Variants in CTTNBP2 observed in about 807,000 individuals in gnomAD.
CTTNBP2 encodes cortactin binding protein 2, also known as cortactin-binding protein 2.
A neutral mutation model predicts 156.9 loss-of-function variants in CTTNBP2; 108 were observed. That is an observed-to-expected ratio of 0.69 (90% CI 0.59 to 0.81). The LOEUF (loss-of-function observed/expected upper bound fraction) is 0.81, where lower values mean the gene tolerates loss of function less well. Ranked by LOEUF, CTTNBP2 falls within the 30% of genes least tolerant of loss-of-function variation. CTTNBP2 has a pLI of 0.00. For missense variants in CTTNBP2, 1,924 were observed against 2,035.4 expected (o/e 0.95, Z 1.05); for synonymous variants, 767 against 751.8 (o/e 1.02, Z -0.33).
chr7:117,844,044 G>GA (rs1802430536), intron 2 of CTTNBP2, among the ~76,000 whole-genome samples: 1 of 136,106 alleles, frequency 7.3e-6, no homozygotes, highest in Admixed American at 7.5e-5. Context: ...AACAGAAGCA[G>GA]AAACGAAGAG....
chr7:117,743,761 C>CAA (rs556372208), intron 14 of CTTNBP2, among the ~76,000 whole-genome samples: 322 of 19,638 alleles, frequency 0.016, 58 homozygotes, highest in African/African-American at 0.036. Context: ...GACTCTGTCT[C>CAA]AAAAAAAAAA....
At chr7:117,819,573 G>A (rs1414025691) in intron 2 of CTTNBP2, among the ~76,000 whole-genome samples, 5 of 152,022 alleles carry the variant, frequency 3.3e-5, no homozygotes, top group Non-Finnish European at 5.9e-5. Flanking sequence ...ACTTAAATGA[G>A]AAAAGAACGG....
At chr7:117,731,231 T>C (rs933752116) in intron 16 of CTTNBP2, among the ~76,000 whole-genome samples, 4 of 152,230 alleles carry the variant, frequency 2.6e-5, no homozygotes, top group Admixed American at 2.6e-4. Flanking sequence ...GTAATTAAGC[T>C]ATGAGTCCCT....
intron 3 of CTTNBP2, among the ~76,000 whole-genome samples, chr7:117,809,978 G>T (rs916436550): frequency 6.6e-6 from 1 of 152,192 alleles, no homozygotes; most frequent in African/African-American, 2.4e-5. Flanking sequence ...AAAAGGCATC[G>T]ATAGTCTTGG....
At chr7:117,829,607 G>A (rs568570107) in intron 2 of CTTNBP2, among the ~76,000 whole-genome samples, 7 of 152,266 alleles carry the variant, frequency 4.6e-5, no homozygotes, top group East Asian at 1.9e-4. Context: ...ATATGCTCAC[G>A]CCCTATTCCT....
intron 2 of CTTNBP2, among the ~76,000 whole-genome samples, chr7:117,820,548 G>C (rs1247213409): frequency 6.6e-6 from 1 of 152,150 alleles, no homozygotes; most frequent in Non-Finnish European, 1.5e-5. Context: ...GGCAATATTT[G>C]TGTATGGTGT....
At chr7:117,717,825 A>G (rs1042506704) in intron 22 of CTTNBP2, among the ~76,000 whole-genome samples, 193 bp downstream of exon 22, 1 of 152,002 alleles carries the variant, frequency 6.6e-6, no homozygotes, top group African/African-American at 2.4e-5. Flanking sequence ...ATGCTTTCCT[A>G]TGTCATTTTT....
At chr7:117,765,913 C>A (rs1038008251) in intron 9 of CTTNBP2, among the ~76,000 whole-genome samples, 1 of 152,152 alleles carries the variant, frequency 6.6e-6, no homozygotes, top group Non-Finnish European at 1.5e-5. Context: ...CCCAAAACAT[C>A]AATTGCGCTG....
At chr7:117,801,047 A>C (rs952152437) in intron 3 of CTTNBP2, among the ~76,000 whole-genome samples, 2 of 152,134 alleles carry the variant, frequency 1.3e-5, no homozygotes, top group Admixed American at 1.3e-4. Flanking sequence ...TAGTGATGGT[A>C]AGTTTTGAAC....
chr7:117,738,965 C>T lies in CTTNBP2; in HGVS notation c.3536-3544G>A, dbSNP rs138761685. Among the ~76,000 whole-genome samples, 208 of 152,274 alleles carry T rather than the reference C, an allele frequency of 1.4e-3. 1 individual carries two copies. The highest frequency in any genetic ancestry group is 2.7e-3 in the Non-Finnish European group (184 of 68,020). ...ACAAAAAGGGGGAAGGGCTGCTATA[C>T]ATAACCATTGGGTTATCTTTCCACT... On this transcript the variant is annotated intron_variant, in intron 14 of 22. Coordinates refer to ENST00000160373, the MANE Select transcript of CTTNBP2 (RefSeq NM_033427.3).
intron 2 of CTTNBP2, among the ~76,000 whole-genome samples, chr7:117,858,747 T>A (rs372540396): frequency 1.0e-3 from 154 of 152,332 alleles, no homozygotes; most frequent in African/African-American, 3.5e-3. Flanking sequence ...ATGACCAGTC[T>A]AGAGGGTAAC....
At chr7:117,779,596 G>A (rs1798291390) in intron 7 of CTTNBP2, among the ~76,000 whole-genome samples, 1 of 151,636 alleles carries the variant, frequency 6.6e-6, no homozygotes, top group Non-Finnish European at 1.5e-5. Context: ...GATTTCTCAA[G>A]TAATATATAT....
At chr7:117,848,669 G>C (rs180863216) in intron 2 of CTTNBP2, among the ~76,000 whole-genome samples, 1 of 152,292 alleles carries the variant, frequency 6.6e-6, no homozygotes, top group Non-Finnish European at 1.5e-5. Flanking sequence ...AGGAAACTTA[G>C]GACTCTAATC....
Position 117,820,249 on chromosome 7 carries a change from G to A in CTTNBP2, c.190-9260C>T, listed in dbSNP as rs566924553. 7.9e-5 allele frequency among the ~76,000 whole-genome samples: 12 copies of A among 152,230 alleles called. No individual in the cohort carries two copies. The East Asian group carries it at 2.3e-3, about 29-fold the overall frequency. ...CACATAAAGCTGAATCCAGAACAAC[G>A]TCCAACTGTCTTATTAAGACTCCAG... On this transcript the variant is annotated intron_variant, in intron 2 of 22. Transcript: ENST00000160373.
chr7:117,867,789 G>A (rs980672020), intron 1 of CTTNBP2, among the ~76,000 whole-genome samples: 2 of 152,164 alleles, frequency 1.3e-5, no homozygotes, highest in Admixed American at 1.3e-4. Flanking sequence ...GAGAACATGA[G>A]ATCTATTTGG....
chr7:117,757,782 T>A (rs1796968546), intron 11 of CTTNBP2, 93 bp downstream of exon 11: 2 of 752,538 alleles, frequency 2.7e-6, no homozygotes, highest in Non-Finnish European at 4.3e-6. Flanking sequence ...CTAGAAGACA[T>A]GGGATGAAAC....
intron 16 of CTTNBP2, among the ~76,000 whole-genome samples, chr7:117,733,538 A>C (rs1795517184): frequency 6.6e-6 from 1 of 152,218 alleles, no homozygotes; most frequent in Non-Finnish European, 1.5e-5. Flanking sequence ...AAGTATCGGT[A>C]ATTTGAAAAG....
chr7:117,786,808 T>C (rs1049286163), intron 4 of CTTNBP2, among the ~76,000 whole-genome samples: 8 of 152,214 alleles, frequency 5.3e-5, no homozygotes, highest in African/African-American at 1.7e-4. Context: ...TATGGAAATA[T>C]TCAATTGCAG....
At chr7:117,815,404 T>C (rs1185065058) in intron 2 of CTTNBP2, among the ~76,000 whole-genome samples, 2 of 152,208 alleles carry the variant, frequency 1.3e-5, no homozygotes, top group Non-Finnish European at 2.9e-5. Flanking sequence ...TATTTAATGT[T>C]GGAATAATAT....
Sources: allele counts gnomAD v4.1 joint callset (sites outside exome capture counted in the v4.1 genomes callset), GRCh38; gene constraint gnomAD v4.1.1; transcripts MANE v1.5; gene names NCBI Gene and HGNC (gene_info 2026-07-23, HGNC 2026-07-21).